The following COL5A1 variants were observed in gnomAD, a reference collection of about 807,000 sequenced individuals.
The protein encoded by COL5A1 is collagen alpha-1(V) chain.
In COL5A1, 16 loss-of-function variants were observed where a neutral mutation model predicts 263.7. That is an observed-to-expected ratio of 0.06 (90% CI 0.04 to 0.09). The LOEUF (loss-of-function observed/expected upper bound fraction) is 0.09, where lower values mean the gene tolerates loss of function less well. COL5A1 is among the 10% of genes least tolerant of loss of function. COL5A1 has a pLI of 1.00. For synonymous variants in COL5A1, 1,012 were observed against 1,004.5 expected, an observed-to-expected ratio of 1.01 and a Z score of -0.14; for missense variants, 2,036 against 2,540.5, an observed-to-expected ratio of 0.80 and a Z score of 4.27.
intron 27 of COL5A1, among the ~76,000 whole-genome samples, chr9:134,778,450 G>A (rs762568798): frequency 1.3e-5 from 2 of 152,240 alleles, no homozygotes; most frequent in Non-Finnish European, 2.9e-5. Context: ...GTGTTTGTCC[G>A]GCGCTTCCTC....
chr9:134,826,877 G>T (rs932005288), intron 63 of COL5A1, among the ~76,000 whole-genome samples: 1 of 151,946 alleles, frequency 6.6e-6, no homozygotes, highest in Non-Finnish European at 1.5e-5. Flanking sequence ...GTGTATGTGG[G>T]TGCATGTGGC....
At chr9:134,788,604 GATAGA>G in intron 31 of COL5A1, among the ~76,000 whole-genome samples, 5 of 151,518 alleles carry the variant, frequency 3.3e-5, no homozygotes, top group South Asian at 2.1e-4. Context: ...TGGATAGACA[GATAGA>G]TGGATAGAGA....
chr9:134,802,968 G>C lies in COL5A1; in HGVS notation c.3087G>C (p.Pro1029=), dbSNP rs774035950. The C allele has an allele frequency of 2.5e-6, 4 of 1,607,834 alleles. No individual in the cohort carries two copies. Among genetic ancestry groups the C allele is most frequent in the South Asian group, 2.2e-5 (2 of 89,712 alleles). ...GACCCCCCGGTGAACAGGGGCTTCC[G>C]GGCCTTGCTGGAAAAGAAGGGACGA... ...PPGPPGEQGL[P]GLAGKEGTKG... The change falls in exon 39 of 66, where the codon CCG becomes CCC. Residue 1029 remains proline, a synonymous_variant. Transcript: ENST00000371817.
intron 4 of COL5A1, among the ~76,000 whole-genome samples, chr9:134,707,830 G>A (rs1833889313): frequency 6.6e-6 from 1 of 152,228 alleles, no homozygotes; most frequent in African/African-American, 2.4e-5. Context: ...GCCCATCACT[G>A]GGCAGCCGGG....
rs887966732 is a variant in COL5A1, at chr9:134,740,888, T to C, written c.1494+2080T>C. Reference sequence around the variant, plus strand: ...CATCAGGGTCCAGGAGCATGAGGACTGAGGTTGGGGTTGGCAGAGGAGCCA... The same window carrying C: ...CATCAGGGTCCAGGAGCATGAGGACCGAGGTTGGGGTTGGCAGAGGAGCCA... On this transcript the variant is annotated intron_variant, in intron 11 of 65. Coordinates refer to ENST00000371817, the MANE Select transcript of COL5A1 (RefSeq NM_000093.5). 1.4e-4 allele frequency among the ~76,000 whole-genome samples: 21 copies of C among 152,302 alleles called. 1 individual carries two copies. The highest frequency in any genetic ancestry group is 3.4e-3 in the Middle Eastern group (1 of 294).
At chr9:134,832,211 G>A (rs1839663819) in intron 64 of COL5A1, among the ~76,000 whole-genome samples, 1 of 152,148 alleles carries the variant, frequency 6.6e-6, no homozygotes, top group African/African-American at 2.4e-5. Flanking sequence ...TTTAAGACCA[G>A]CCTGGCCAAC....
intron 18 of COL5A1, among the ~76,000 whole-genome samples, chr9:134,759,392 TACGCATACAC>T: frequency 2.0e-5 from 2 of 98,220 alleles, no homozygotes; most frequent in East Asian, 3.5e-4. Context: ...CATGCACACA[TACGCATACAC>T]ACCCACACAC....
At position 134,754,714 on chromosome 9, in the gene COL5A1, C is replaced by T. The variant is rs564941456; in HGVS notation, c.1827+388C>T. 9.8e-5 allele frequency among the ~76,000 whole-genome samples: 15 copies of T among 152,322 alleles called. No homozygotes were observed. The highest frequency in any genetic ancestry group is 3.1e-4 in the African/African-American group (13 of 41,576). On this transcript the variant is annotated intron_variant, in intron 16 of 65. Transcript: ENST00000371817. The surrounding 1 kb of genome is among the most constrained non-coding windows in gnomAD (Gnocchi z 4.3). ...TCGGGGGCATGGGCGGGCCTTCCTGCGCCTTACCTGCTGTCTTGCCTCCTG... is the reference window on the plus strand; with the variant it reads ...TCGGGGGCATGGGCGGGCCTTCCTGTGCCTTACCTGCTGTCTTGCCTCCTG...
chr9:134,784,764 C>T (rs1243690318), intron 29 of COL5A1, among the ~76,000 whole-genome samples: 1 of 152,250 alleles, frequency 6.6e-6, no homozygotes, highest in Non-Finnish European at 1.5e-5. Context: ...GTGCAGAGAC[C>T]AGCTTCCGCA....
chr9:134,769,019 G>A (rs1027814434), intron 25 of COL5A1, among the ~76,000 whole-genome samples: 28 of 152,326 alleles, frequency 1.8e-4, no homozygotes, highest in African/African-American at 5.1e-4. Flanking sequence ...GAATGCGTGC[G>A]TGCGTGCACA....
chr9:134,795,376 C>A, intron 34 of COL5A1, 61 bp downstream of exon 34: 1 of 1,455,496 alleles, frequency 6.9e-7, no homozygotes, highest in Non-Finnish European at 9.6e-7. Context: ...GCTACAGAGA[C>A]GTGGAGCGTC....
rs928392241 is a variant in COL5A1 at position 134,652,441 on chromosome 9, AG to A, written c.109+10146del. The stretch of plus-strand genomic sequence containing the variant: ...GAGCGACTGTCCTGCCAGGGATGCC[AG>A]TGTCATCCTCCTGCCCCTGAAACAG... On this transcript the variant is annotated intron_variant, in intron 1 of 65. Transcript: ENST00000371817. The surrounding 1 kb of genome is among the most constrained non-coding windows in gnomAD (Gnocchi z 4.4). Among the ~76,000 whole-genome samples, 11 of 152,236 alleles carry A rather than the reference AG, an allele frequency of 7.2e-5. No individual in the cohort carries two copies. Among genetic ancestry groups the A allele is most frequent in the African/African-American group, 2.4e-4 (10 of 41,538 alleles).
intron 9 of COL5A1, among the ~76,000 whole-genome samples, chr9:134,737,294 A>G (rs563437554): frequency 6.6e-6 from 1 of 152,254 alleles, no homozygotes; most frequent in South Asian, 2.1e-4. Flanking sequence ...GGCCACACCC[A>G]CACCCTCCAG....
chr9:134,691,007 A>C lies in COL5A1; in HGVS notation c.205A>C (p.Lys69Gln). 1 of 1,613,816 alleles carries C rather than the reference A, an allele frequency of 6.2e-7. No individual in the cohort carries two copies. The change falls in exon 2 of 66, where the codon AAA (lysine) becomes CAA (glutamine). Residue 69 changes from lysine to glutamine, a missense_variant. Around this residue, in one of 3 missense-constraint regions of COL5A1, gnomAD observed 600 missense variants for 634.5 expected, o/e 0.95. Coordinates refer to ENST00000371817, the MANE Select transcript of COL5A1 (RefSeq NM_000093.5). ...CTTTTGCGCCACGCGGCGATCTTCC[A>C]AAGGCCCGGATGTCGCTTACAGAGT... ...TGFCATRRSS[K>Q]GPDVAYRVTK... is the part of the protein sequence containing the mutation.
chr9:134,793,388 G>A (rs889487343), intron 32 of COL5A1, among the ~76,000 whole-genome samples: 2 of 151,096 alleles, frequency 1.3e-5, no homozygotes, highest in African/African-American at 2.4e-5. Flanking sequence ...GGAGGCTGGG[G>A]GGGGCATTCT....
intron 24 of COL5A1, among the ~76,000 whole-genome samples, 160 bp downstream of exon 24, chr9:134,767,514 A>C (rs534098299): frequency 6.6e-6 from 1 of 152,334 alleles, no homozygotes; most frequent in East Asian, 1.9e-4. Flanking sequence ...GGCCAGAAGC[A>C]TGAGGAGGAT....
At chr9:134,828,027 G>A (rs1299068371) in intron 63 of COL5A1, among the ~76,000 whole-genome samples, 1 of 152,192 alleles carries the variant, frequency 6.6e-6, no homozygotes, top group Non-Finnish European at 1.5e-5. Context: ...GATCAGCCAG[G>A]GATCAGTCTT....
At chr9:134,674,983 C>A (rs564049888) in intron 1 of COL5A1, among the ~76,000 whole-genome samples, 2 of 152,204 alleles carry the variant, frequency 1.3e-5, no homozygotes, top group South Asian at 4.2e-4. Flanking sequence ...TTCAATATTC[C>A]CTTATTAATA....
rs558042577 is a variant in COL5A1 at position 134,765,475 on chromosome 9, C to A, written c.2035-206C>A. Among the ~76,000 whole-genome samples the A allele has an allele frequency of 6.6e-6, 1 of 152,190 alleles. No individual in the cohort carries two copies. Among genetic ancestry groups the A allele is most frequent in the South Asian group, 2.1e-4 (1 of 4,810 alleles). On this transcript the variant is annotated intron_variant, in intron 20 of 65. Coordinates refer to ENST00000371817, the MANE Select transcript of COL5A1 (RefSeq NM_000093.5). The surrounding 1 kb of genome is among the most constrained non-coding windows in gnomAD (Gnocchi z 5.1). ...AGTTCTCACCAATTCCAGACACCTG[C>A]CCCTGGTTCCCAACACCAGGGTGGG...
Sources: allele counts gnomAD v4.1 joint callset (sites outside exome capture counted in the v4.1 genomes callset), GRCh38; gene constraint gnomAD v4.1.1; regional missense constraint gnomAD v4.1.1; non-coding constraint Gnocchi (gnomAD v3.1); transcripts MANE v1.5; gene names NCBI Gene and HGNC (gene_info 2026-07-23, HGNC 2026-07-21).